TNS3: variants seen among roughly 807,000 people sequenced by gnomAD.
TNS3 encodes the protein tensin 3, also known as tensin-3.
In TNS3, 45 loss-of-function variants were observed where a neutral mutation model predicts 140.9. The observed-to-expected ratio is 0.32, with a 90% CI of 0.25 to 0.41. The LOEUF is 0.41. Among genes scored for constraint, TNS3 ranks in the 10% least tolerant of loss-of-function variants. The probability of loss-of-function intolerance (pLI) is 1.00; values close to 1 mark genes in which losing one functional copy is unlikely to be tolerated. For missense variants in TNS3, 1,716 were observed against 1,906.7 expected (o/e 0.90, Z 1.86); for synonymous variants, 815 against 788.4 (o/e 1.03, Z -0.56).
intron 4 of TNS3, 125 bp from the exon 5 acceptor site, chr7:47,442,180 G>A (rs769037648): frequency 2.1e-5 from 11 of 518,170 alleles, no homozygotes; most frequent in Non-Finnish European, 3.4e-5. Flanking sequence ...CAAGTCAATC[G>A]TAACTACAAG....
At chr7:47,472,741 T>A (rs952691085) in intron 4 of TNS3, among the ~76,000 whole-genome samples, 9 of 152,052 alleles carry the variant, frequency 5.9e-5, no homozygotes, top group Non-Finnish European at 1.3e-4. Flanking sequence ...ACAGAGTAAA[T>A]CCCGGACACT....
intron 16 of TNS3, among the ~76,000 whole-genome samples, chr7:47,389,918 T>C (rs73326563): frequency 0.017 from 2,528 of 152,360 alleles, 65 homozygotes; most frequent in African/African-American, 0.058. Context: ...CAACTTCAGT[T>C]GCCTGATGAC....
At chr7:47,529,205 CT>C in intron 1 of TNS3, 58 bp from the exon 2 acceptor site, 1 of 975,470 alleles carries the variant, frequency 1.0e-6, no homozygotes. Context: ...TTTCTTTTTC[CT>C]TTTCATTTAA....
At chr7:47,447,352 G>A (rs1158683204) in intron 4 of TNS3, among the ~76,000 whole-genome samples, 1 of 152,098 alleles carries the variant, frequency 6.6e-6, no homozygotes, top group Non-Finnish European at 1.5e-5. Flanking sequence ...ACAGCAGTGG[G>A]CGAGAGCAGA....
chr7:47,326,811 G>T (rs888288112), intron 20 of TNS3, among the ~76,000 whole-genome samples: 1 of 152,190 alleles, frequency 6.6e-6, no homozygotes, highest in Non-Finnish European at 1.5e-5. Context: ...TCTTCCATCA[G>T]CTGGAGAGCA....
At chr7:47,376,744 C>CACACACACACACACACACAT (rs1733058165) in intron 16 of TNS3, among the ~76,000 whole-genome samples, 3 of 152,022 alleles carry the variant, frequency 2.0e-5, no homozygotes, top group Admixed American at 1.3e-4. Context: ...CACACACACA[C>CACACACACACACACACACAT]ACACACACAC....
chr7:47,454,715 C>G (rs1180596800), intron 4 of TNS3, among the ~76,000 whole-genome samples: 1 of 152,176 alleles, frequency 6.6e-6, no homozygotes, highest in African/African-American at 2.4e-5. Context: ...CCAGCTCTCT[C>G]AAAGTACCCC....
chr7:47,484,557 C>T (rs866858339), intron 3 of TNS3, among the ~76,000 whole-genome samples: 1 of 152,184 alleles, frequency 6.6e-6, no homozygotes, highest in South Asian at 2.1e-4. Context: ...GGGGACTGTG[C>T]GACGGTGCTA....
intron 20 of TNS3, among the ~76,000 whole-genome samples, chr7:47,309,624 T>C (rs1786966493): frequency 6.6e-6 from 1 of 152,204 alleles, no homozygotes; most frequent in Non-Finnish European, 1.5e-5. Flanking sequence ...ATGTTATGGC[T>C]AAAGAGAAAG....
At chr7:47,582,562 A>G, upstream of TNS3, 2 of 447,972 alleles carry the variant, frequency 4.5e-6, no homozygotes, top group South Asian at 3.1e-5. Context: ...AGTCGCGCAT[A>G]CATAAAGGAG....
Position 47,405,356 on chromosome 7 carries a change from G to A in TNS3, c.724-4442C>T, listed in dbSNP as rs889067094. The A allele has an allele frequency of 1.0e-5, 6 of 601,014 alleles. 1 individual carries two copies. Among genetic ancestry groups the A allele is most frequent in the Non-Finnish European group, 3.0e-6 (1 of 337,590 alleles). The allele number at this position is 601,014 out of a possible 1,614,324, so 37.2% of individuals were successfully genotyped here. ...AACATTCTCACTCAATGCTCCACTG[G>A]TGGCCCAGGCAACTGTCTACGCAGG... is the stretch of plus-strand genomic sequence containing the variant. On this transcript the variant is annotated intron_variant, in intron 13 of 30. Transcript: ENST00000311160.
intron 1 of TNS3, among the ~76,000 whole-genome samples, chr7:47,554,789 G>GGGAGGCTGAGGCAGGT (rs1453572319): frequency 6.6e-6 from 1 of 152,200 alleles, no homozygotes; most frequent in African/African-American, 2.4e-5. Flanking sequence ...CCAGCATTTT[G>GGGAGGCTGAGGCAGGT]GGAGGCTGAG....
chr7:47,441,202 CAG>C (rs1277993030), intron 5 of TNS3, among the ~76,000 whole-genome samples: 5 of 152,026 alleles, frequency 3.3e-5, no homozygotes, highest in Non-Finnish European at 5.9e-5. Flanking sequence ...TTTTTCGAGA[CAG>C]AGTCTCGCTC....
At chr7:47,329,583 C>T (rs1046568728) in intron 20 of TNS3, among the ~76,000 whole-genome samples, 2 of 152,226 alleles carry the variant, frequency 1.3e-5, no homozygotes, top group Non-Finnish European at 2.9e-5. Flanking sequence ...TCCCAAAGGT[C>T]TGAGTAGGCA....
rs368839510 is a variant in TNS3, at chr7:47,377,362, C to T, written c.1025-7741G>A. ...TGAACACTGCCAGACTCAAAGGGCT[C>T]GACTGTACGACTCCACATAGGTGAC... On this transcript the variant is annotated intron_variant, in intron 16 of 30. Coordinates refer to ENST00000311160, the MANE Select transcript of TNS3 (RefSeq NM_022748.12). 8.9e-4 allele frequency among the ~76,000 whole-genome samples: 136 copies of T among 152,178 alleles called. 1 individual carries two copies. The highest frequency in any genetic ancestry group is 3.1e-3 in the African/African-American group (129 of 41,508).
At chr7:47,529,528 C>A (rs764757822) in intron 1 of TNS3, among the ~76,000 whole-genome samples, 7 of 152,192 alleles carry the variant, frequency 4.6e-5, no homozygotes, top group African/African-American at 1.7e-4. Flanking sequence ...GACTCTCAAC[C>A]CTTTTTCTTC....
intron 18 of TNS3, 120 bp downstream of exon 18, chr7:47,346,067 G>A (rs942612640): frequency 2.2e-5 from 29 of 1,307,298 alleles, no homozygotes; most frequent in Admixed American, 8.6e-5. Context: ...AGGTGGGTGC[G>A]GAGGATAATG....
At chr7:47,364,158 C>T (rs1245450000) in intron 17 of TNS3, among the ~76,000 whole-genome samples, 1 of 151,962 alleles carries the variant, frequency 6.6e-6, no homozygotes, top group African/African-American at 2.4e-5. Context: ...AATGTCAATA[C>T]TGAAATTTAA....
At chr7:47,353,992 A>AACACACACAC (rs10598998) in intron 17 of TNS3, among the ~76,000 whole-genome samples, 115 of 143,490 alleles carry the variant, frequency 8.0e-4, no homozygotes, top group Admixed American at 1.2e-3. Context: ...CAGAGGACAA[A>AACACACACAC]ACACACACAC....
Sources: allele counts gnomAD v4.1 joint callset (sites outside exome capture counted in the v4.1 genomes callset), GRCh38; gene constraint gnomAD v4.1.1; transcripts MANE v1.5; gene names NCBI Gene and HGNC (gene_info 2026-07-23, HGNC 2026-07-21).